Variants in ANKRD55 observed in about 807,000 individuals in gnomAD.
The protein encoded by ANKRD55 is ankyrin repeat domain 55.
In ANKRD55, 41 loss-of-function variants were observed where a neutral mutation model predicts 60.6. The ratio of observed to expected loss-of-function variants is 0.68; its 90% confidence interval spans 0.53 to 0.88. The LOEUF (loss-of-function observed/expected upper bound fraction) is 0.88. Ranked by LOEUF, ANKRD55 falls within the 40% of genes least tolerant of loss-of-function variation. ANKRD55 has a pLI of 0.00. For synonymous variants in ANKRD55, 264 were observed against 290.3 expected, an observed-to-expected ratio of 0.91 and a Z score of 0.92; for missense variants, 732 against 767.6, an observed-to-expected ratio of 0.95 and a Z score of 0.55.
intron 5 of ANKRD55, among the ~76,000 whole-genome samples, chr5:56,166,084 C>CTT (rs113885174): frequency 1.3e-5 from 1 of 76,876 alleles, no homozygotes; most frequent in Non-Finnish European, 2.7e-5. Flanking sequence ...TCTTTCTTTT[C>CTT]TTTTTCTTTC....
intron 8 of ANKRD55, chr5:56,125,564 G>A (rs898914795): frequency 8.5e-5 from 13 of 152,064 alleles, no homozygotes; most frequent in African/African-American, 2.4e-4. Flanking sequence ...ATAAGTGTGA[G>A]CCACCACACT....
rs1384134427 is a variant in ANKRD55 at position 56,170,767 on chromosome 5, C to T, written c.349G>A (p.Gly117Ser). The T allele has an allele frequency of 5.0e-6, 8 of 1,614,068 alleles. No homozygotes were observed. The highest frequency in any genetic ancestry group is 5.9e-6 in the Non-Finnish European group (7 of 1,180,016). ...LEGCVSLLRN[G>S]AKHNIPDKNG... ...TTATCTGGGATATTGTGCTTGGCACCGTTTCTGAGTAGACTCACACAGCCT... is the reference window on the plus strand; with the variant it reads ...TTATCTGGGATATTGTGCTTGGCACTGTTTCTGAGTAGACTCACACAGCCT... The change falls in exon 5 of 12, where the codon GGT becomes AGT. Residue 117 changes from glycine (G) to serine (S), a missense_variant. Around this residue, in one of 3 missense-constraint regions of ANKRD55, gnomAD observed 4 missense variants for 17.4 expected, o/e 0.23. Coordinates refer to ENST00000341048, the MANE Select transcript of ANKRD55 (RefSeq NM_024669.3).
chr5:56,183,760 T>C, intron 2 of ANKRD55, 126 bp from the exon 3 acceptor site: 5 of 1,234,404 alleles, frequency 4.1e-6, no homozygotes, highest in Non-Finnish European at 1.1e-6. Context: ...GGCAGAAGTC[T>C]GGGTCATCCT....
intron 2 of ANKRD55, among the ~76,000 whole-genome samples, chr5:56,226,935 T>C (rs1173761415): frequency 1.3e-5 from 2 of 152,174 alleles, no homozygotes; most frequent in African/African-American, 4.8e-5. Flanking sequence ...TGTGGTGATT[T>C]GTCAAGGATC....
At chr5:56,139,553 A>G (rs558108782) in intron 7 of ANKRD55, among the ~76,000 whole-genome samples, 2 of 152,332 alleles carry the variant, frequency 1.3e-5, no homozygotes, top group African/African-American at 4.8e-5. Flanking sequence ...AGAAAGAAGC[A>G]TTTTACCCAA....
chr5:56,195,385 A>T (rs935998205), intron 2 of ANKRD55, among the ~76,000 whole-genome samples: 2 of 152,158 alleles, frequency 1.3e-5, no homozygotes, highest in African/African-American at 4.8e-5. Flanking sequence ...CATTTCCCTT[A>T]TGTTTATCAT....
rs770473679 is a variant in ANKRD55 at position 56,111,447 on chromosome 5, G to A, written c.1301C>T (p.Thr434Met). The stretch of plus-strand genomic sequence containing the variant: ...CAGGGTGATGGGTGGGAGACTCTGC[G>A]TTCTGATTGGTGGAAGCCCCTTACG... ...LARKGLPPIRTQSLPPITLGN... is the reference protein window; with the variant it reads ...LARKGLPPIRMQSLPPITLGN... The change falls in exon 10 of 12, where the codon ACG becomes ATG. Residue 434 changes from threonine to methionine, a missense_variant. By Grantham distance (81) the Thr-to-Met change is moderately conservative. Around this residue, in one of 3 missense-constraint regions of ANKRD55, gnomAD observed 597 missense variants for 607.5 expected, o/e 0.98. Transcript: ENST00000341048. 1.1e-5 allele frequency: 17 copies of A among 1,614,166 alleles called. No individual in the cohort carries two copies. The highest frequency in any genetic ancestry group is 1.7e-4 in the Middle Eastern group (1 of 6,054).
intron 7 of ANKRD55, among the ~76,000 whole-genome samples, chr5:56,132,778 T>C (rs1336847792): frequency 6.6e-6 from 1 of 152,164 alleles, no homozygotes; most frequent in African/African-American, 2.4e-5. Flanking sequence ...AGAAACCCAC[T>C]TTAAATATAA....
At chr5:56,109,581 C>T (rs574732493) in intron 10 of ANKRD55, among the ~76,000 whole-genome samples, 24 of 151,522 alleles carry the variant, frequency 1.6e-4, no homozygotes, top group Admixed American at 1.4e-3. Context: ...TACATTGACC[C>T]CCTGCCTCAA....
At chr5:56,111,817 A>G in intron 9 of ANKRD55, 35 bp from the exon 10 acceptor site, 1 of 1,456,814 alleles carries the variant, frequency 6.9e-7, no homozygotes, top group African/African-American at 1.4e-5. Flanking sequence ...ATGATATGTG[A>G]GTATGGGAAG....
At chr5:56,129,321 T>C (rs190108522) in intron 7 of ANKRD55, among the ~76,000 whole-genome samples, 2 of 152,328 alleles carry the variant, frequency 1.3e-5, no homozygotes, top group East Asian at 3.9e-4. Flanking sequence ...AACAGTATTG[T>C]ACATATCCTA....
At chr5:56,210,436 C>T (rs1759638060) in intron 2 of ANKRD55, among the ~76,000 whole-genome samples, 1 of 151,842 alleles carries the variant, frequency 6.6e-6, no homozygotes, top group South Asian at 2.1e-4. Context: ...GTGGCGGGCG[C>T]CTGTAGTCCC....
At chr5:56,206,732 A>C (rs1759520045) in intron 2 of ANKRD55, among the ~76,000 whole-genome samples, 1 of 152,186 alleles carries the variant, frequency 6.6e-6, no homozygotes. Context: ...ATGGGTGGTG[A>C]CTAACCCAAA....
chr5:56,195,051 A>G lies in ANKRD55; in HGVS notation c.59-11417T>C, dbSNP rs62362391. The stretch of plus-strand genomic sequence containing the variant: ...TTTTGACAAGAATTAATTAAAAACA[A>G]TAGAAAATGCAGAGTGCTTAAATGT... On this transcript the variant is annotated intron_variant, in intron 2 of 11. Transcript: ENST00000341048. Among the ~76,000 whole-genome samples the G allele has an allele frequency of 6.7e-3, 1,028 of 152,336 alleles. 6 individuals carry two copies. Among genetic ancestry groups the G allele is most frequent in the Middle Eastern group, 0.01 (3 of 294 alleles).
intron 2 of ANKRD55, among the ~76,000 whole-genome samples, chr5:56,191,162 T>G (rs566308837): frequency 6.6e-6 from 1 of 152,332 alleles, no homozygotes; most frequent in East Asian, 1.9e-4. Context: ...CAACTGTTCT[T>G]TTTGAAGATT....
intron 7 of ANKRD55, 155 bp from the exon 8 acceptor site, chr5:56,127,261 A>G: frequency 2.0e-6 from 2 of 982,744 alleles, no homozygotes; most frequent in Non-Finnish European, 2.4e-6. Flanking sequence ...AAGAATAAAA[A>G]TACACTCTAT....
At chr5:56,116,472 C>G in intron 9 of ANKRD55, 143 bp downstream of exon 9, 1 of 700,452 alleles carries the variant, frequency 1.4e-6, no homozygotes. Context: ...CATTTAATGT[C>G]TTTAATACTA....
intron 2 of ANKRD55, among the ~76,000 whole-genome samples, chr5:56,205,971 C>T (rs1372421462): frequency 2.9e-5 from 4 of 137,142 alleles, no homozygotes; most frequent in African/African-American, 1.3e-4. Context: ...TTCTTTCTTT[C>T]TTGTTTTTTT....
chr5:56,189,141 T>A (rs1356540710), intron 2 of ANKRD55, among the ~76,000 whole-genome samples: 1 of 152,016 alleles, frequency 6.6e-6, no homozygotes, highest in Admixed American at 6.6e-5. Context: ...TGAAGATTAT[T>A]CCAGGGGTCA....
Sources: allele counts gnomAD v4.1 joint callset (sites outside exome capture counted in the v4.1 genomes callset), GRCh38; gene constraint gnomAD v4.1.1; regional missense constraint gnomAD v4.1.1; transcripts MANE v1.5; gene names NCBI Gene and HGNC (gene_info 2026-07-23, HGNC 2026-07-21).